Variants in LRP12 observed in about 807,000 individuals in gnomAD.
The protein encoded by LRP12 is low-density lipoprotein receptor-related protein 12.
Under a neutral mutation model 66.0 loss-of-function variants are expected in LRP12, and 14 were observed. The ratio of observed to expected loss-of-function variants is 0.21; its 90% confidence interval spans 0.14 to 0.33. LRP12 has a LOEUF of 0.33. LRP12 is among the 10% of genes least tolerant of loss of function. The pLI, the probability that LRP12 is intolerant of heterozygous loss-of-function variation, is 1.00. For missense variants in LRP12, 889 were observed against 1,053.4 expected, an observed-to-expected ratio of 0.84 and a Z score of 2.16; for synonymous variants, 357 against 359.1, an observed-to-expected ratio of 0.99 and a Z score of 0.07.
chr8:104,563,549 T>G (rs1811947746), intron 1 of LRP12, among the ~76,000 whole-genome samples: 1 of 152,096 alleles, frequency 6.6e-6, no homozygotes, highest in South Asian at 2.1e-4. Flanking sequence ...AGTCTGAATA[T>G]TTGTATCCTT....
intron 3 of LRP12, chr8:104,506,146 T>C (rs2140840474): frequency 6.6e-6 from 1 of 152,338 alleles, no homozygotes; most frequent in South Asian, 2.1e-4. Flanking sequence ...ACATTACAAA[T>C]ATTAAAAAAT....
chr8:104,524,335 C>T (rs1387570563), intron 2 of LRP12, among the ~76,000 whole-genome samples: 1 of 151,470 alleles, frequency 6.6e-6, no homozygotes, highest in Non-Finnish European at 1.5e-5. Flanking sequence ...GATTTCCAGT[C>T]AACAGCATGC....
At chr8:104,500,335 C>G (rs1810806077) in intron 3 of LRP12, among the ~76,000 whole-genome samples, 1 of 152,184 alleles carries the variant, frequency 6.6e-6, no homozygotes. Flanking sequence ...AATGTTTCTT[C>G]TTCAAATATT....
chr8:104,522,400 A>G (rs1811165456), intron 2 of LRP12, among the ~76,000 whole-genome samples: 1 of 152,118 alleles, frequency 6.6e-6, no homozygotes, highest in Non-Finnish European at 1.5e-5. Flanking sequence ...CAGCATAAAC[A>G]ATACTTCAAA....
At chr8:104,563,910 TACAA>T (rs1244568567) in intron 1 of LRP12, among the ~76,000 whole-genome samples, 2 of 152,180 alleles carry the variant, frequency 1.3e-5, no homozygotes, top group Non-Finnish European at 2.9e-5. Flanking sequence ...GACACATATA[TACAA>T]ACACATATAC....
At chr8:104,560,883 T>C (rs1357002601) in intron 1 of LRP12, among the ~76,000 whole-genome samples, 2 of 152,200 alleles carry the variant, frequency 1.3e-5, no homozygotes, top group Non-Finnish European at 2.9e-5. Flanking sequence ...TCATTTTCCA[T>C]ACCACTGACT....
intron 2 of LRP12, among the ~76,000 whole-genome samples, chr8:104,513,716 T>C (rs76683286): frequency 6.6e-6 from 1 of 152,184 alleles, no homozygotes; most frequent in African/African-American, 2.4e-5. Flanking sequence ...GTGTTAATTT[T>C]CTAGCACTAG....
intron 1 of LRP12, among the ~76,000 whole-genome samples, chr8:104,574,343 T>C (rs1024368734): frequency 3.9e-5 from 6 of 152,216 alleles, no homozygotes; most frequent in African/African-American, 1.4e-4. Flanking sequence ...TTCTTTGGAT[T>C]CCTCAATAAC....
At chr8:104,495,054 AG>A (rs1376268963) in intron 6 of LRP12, 22 bp downstream of exon 6, 1 of 1,600,472 alleles carries the variant, frequency 6.2e-7, no homozygotes, top group East Asian at 2.2e-5. Context: ...GAAATGTAAT[AG>A]AAATTACACA....
At chr8:104,504,196 A>C (rs1203480754) in intron 3 of LRP12, 2 of 152,092 alleles carry the variant, frequency 1.3e-5, no homozygotes, top group East Asian at 3.8e-4. Flanking sequence ...TTATGACATT[A>C]AAAATTTTGT....
chr8:104,517,475 A>G (rs1404376354), intron 2 of LRP12, among the ~76,000 whole-genome samples: 5 of 152,028 alleles, frequency 3.3e-5, no homozygotes, highest in Middle Eastern at 3.2e-3. Context: ...GACCTACTAC[A>G]AAAGGAAGTG....
intron 3 of LRP12, chr8:104,504,828 A>G (rs1810882272): frequency 6.6e-6 from 1 of 152,124 alleles, no homozygotes. Context: ...AATTCTCCAC[A>G]TTTTGCTTTG....
intron 1 of LRP12, among the ~76,000 whole-genome samples, chr8:104,578,421 T>C (rs1037389379): frequency 6.6e-6 from 1 of 151,768 alleles, no homozygotes; most frequent in Admixed American, 6.6e-5. Context: ...AACCAAAAAA[T>C]GCCCAGATGG....
At chr8:104,506,513 T>G (rs1420906545) in intron 3 of LRP12, 1 of 152,176 alleles carries the variant, frequency 6.6e-6, no homozygotes, top group Admixed American at 6.5e-5. Context: ...CCAGAACAAG[T>G]CTTAAATGAT....
At chr8:104,521,484 TACC>T (rs778506648) in intron 2 of LRP12, among the ~76,000 whole-genome samples, 28 of 151,548 alleles carry the variant, frequency 1.8e-4, no homozygotes, top group African/African-American at 6.3e-4. Flanking sequence ...GAAATAATAA[TACC>T]ACCATTAGTT....
chr8:104,537,379 C>T (rs2140867469), intron 1 of LRP12, among the ~76,000 whole-genome samples: 1 of 152,200 alleles, frequency 6.6e-6, no homozygotes, highest in African/African-American at 2.4e-5. Flanking sequence ...GAATGTCAAG[C>T]TGCACATGTG....
rs144116041 is a variant in LRP12, at chr8:104,492,894, T to C, written c.1714-1355A>G. On this transcript the variant is annotated intron_variant, in intron 6 of 6. Transcript: ENST00000276654. Reference sequence around the variant, plus strand: ...AAAGCGGTTCACATTTATAATGAACTTCTCCACAGATCTGCTCCTCAACAG... The same window carrying C: ...AAAGCGGTTCACATTTATAATGAACCTCTCCACAGATCTGCTCCTCAACAG... 3.7e-3 allele frequency among the ~76,000 whole-genome samples: 563 copies of C among 152,102 alleles called. 5 individuals are homozygous for C. Among genetic ancestry groups the C allele is most frequent in the African/African-American group, 0.013 (539 of 41,500 alleles).
chr8:104,562,022 T>C (rs1811916406), intron 1 of LRP12, among the ~76,000 whole-genome samples: 1 of 152,174 alleles, frequency 6.6e-6, no homozygotes, highest in Non-Finnish European at 1.5e-5. Context: ...TGCAGAGGTC[T>C]TAAGAGGGTA....
At chr8:104,492,069 C>A (rs1013858241) in intron 6 of LRP12, among the ~76,000 whole-genome samples, 2 of 151,528 alleles carry the variant, frequency 1.3e-5, no homozygotes, top group African/African-American at 2.4e-5. Context: ...GGTTCTCAAG[C>A]ATTTGCTGAA....
Sources: gnomAD v4.1 joint callset for allele counts (sites outside exome capture counted in the v4.1 genomes callset) on GRCh38, gnomAD v4.1.1 for gene constraint, MANE v1.5 for transcripts, NCBI Gene and HGNC (gene_info 2026-07-23, HGNC 2026-07-21) for gene names.